The following STAB2 variants were observed in gnomAD, a reference collection of about 807,000 sequenced individuals.
The protein encoded by STAB2 is stabilin-2.
Under a neutral mutation model 338.1 loss-of-function variants are expected in STAB2, and 288 were observed. That is an observed-to-expected ratio of 0.85 (90% confidence interval 0.77 to 0.94). STAB2 has a LOEUF of 0.94. Among genes scored for constraint, STAB2 ranks in the 40% least tolerant of loss-of-function variants. The pLI, the probability that STAB2 is intolerant of heterozygous loss-of-function variation, is 0.00. For synonymous variants in STAB2, 1,202 were observed against 1,193.3 expected, an observed-to-expected ratio of 1.01 and a Z score of -0.15; for missense variants, 3,141 against 3,210.1, an observed-to-expected ratio of 0.98 and a Z score of 0.52.
At chr12:103,622,300 GA>G (rs1957314278) in intron 5 of STAB2, among the ~76,000 whole-genome samples, 189 bp downstream of exon 5, 1 of 152,208 alleles carries the variant, frequency 6.6e-6, no homozygotes, top group African/African-American at 2.4e-5. Flanking sequence ...AATCACAGCA[GA>G]TTCACAGAGA....
intron 3 of STAB2, among the ~76,000 whole-genome samples, chr12:103,604,474 C>T (rs1015312868): frequency 6.6e-6 from 1 of 151,996 alleles, no homozygotes; most frequent in Admixed American, 6.5e-5. Context: ...TATTCACCAA[C>T]AAAGCCATTT....
intron 5 of STAB2, among the ~76,000 whole-genome samples, chr12:103,624,073 C>T (rs189829200): frequency 3.3e-5 from 5 of 152,318 alleles, no homozygotes; most frequent in African/African-American, 7.2e-5. Context: ...AAAACTGCTT[C>T]GATTCAAATA....
intron 25 of STAB2, 123 bp downstream of exon 25, chr12:103,677,734 GTGAACATGGGT>G: frequency 8.2e-7 from 1 of 1,225,118 alleles, no homozygotes; most frequent in Admixed American, 2.7e-5. Context: ...ATTCGTGGCA[GTGAACATGGGT>G]TCATTGCCAC....
At chr12:103,712,271 A>G in intron 40 of STAB2, 96 bp from the exon 41 acceptor site, 1 of 927,958 alleles carries the variant, frequency 1.1e-6, no homozygotes, top group Non-Finnish European at 1.8e-6. Context: ...TCATGGGGGC[A>G]GGGGCCAGGA....
intron 25 of STAB2, among the ~76,000 whole-genome samples, chr12:103,679,081 G>A (rs1876656953): frequency 6.6e-6 from 1 of 152,090 alleles, no homozygotes; most frequent in Admixed American, 6.5e-5. Flanking sequence ...GGGGTTAAAA[G>A]GTGGTCAACA....
In STAB2 at chr12:103,685,004, A is replaced by T. The variant is rs750730806; in HGVS notation, c.2917A>T (p.Thr973Ser). Reference protein sequence around the residue: ...KCHPLASCQSTSSGVWSCVCQ... With the variant: ...KCHPLASCQSSSSGVWSCVCQ... ...GTTTTCTCAGGCAAGCTGTCAATCTACTTCGTCTGGTGTCTGGAGCTGTGT... is the reference window on the plus strand; with the variant it reads ...GTTTTCTCAGGCAAGCTGTCAATCTTCTTCGTCTGGTGTCTGGAGCTGTGT... Residue 973 changes from threonine to serine, a missense_variant, in exon 27 of 69, where the codon ACT becomes TCT. Physicochemically the swap from Thr to Ser is moderately conservative, Grantham distance 58. Coordinates refer to ENST00000388887, the MANE Select transcript of STAB2 (RefSeq NM_017564.10). 1.2e-6 allele frequency: 2 copies of T among 1,613,864 alleles called. No individual in the cohort carries two copies. Among genetic ancestry groups the T allele is most frequent in the Admixed American group, 3.3e-5 (2 of 60,018 alleles).
intron 18 of STAB2, 90 bp downstream of exon 18, chr12:103,663,088 A>G (rs1431059533): frequency 4.6e-6 from 7 of 1,519,288 alleles, no homozygotes; most frequent in South Asian, 2.5e-5. Flanking sequence ...AAAGGTGTCA[A>G]AGAAAGTTGG....
intron 5 of STAB2, among the ~76,000 whole-genome samples, chr12:103,630,050 TA>T (rs1475340543): frequency 1.3e-5 from 2 of 152,224 alleles, no homozygotes; most frequent in African/African-American, 2.4e-5. Flanking sequence ...CTGAGAAATC[TA>T]AATTTTATTT....
At chr12:103,682,710 G>C (rs193038836) in intron 25 of STAB2, among the ~76,000 whole-genome samples, 214 of 152,288 alleles carry the variant, frequency 1.4e-3, no homozygotes, top group African/African-American at 4.9e-3. Flanking sequence ...AGCACTTTGG[G>C]AGGCCGAGGC....
chr12:103,718,871 A>G (rs1029950713), intron 44 of STAB2, among the ~76,000 whole-genome samples: 2 of 152,186 alleles, frequency 1.3e-5, no homozygotes, highest in Non-Finnish European at 2.9e-5. Context: ...TTGGATGGTT[A>G]TAAGTGTCCC....
At chr12:103,716,604 C>CA (rs1035011093) in intron 43 of STAB2, among the ~76,000 whole-genome samples, 2 of 152,114 alleles carry the variant, frequency 1.3e-5, no homozygotes, top group Non-Finnish European at 2.9e-5. Context: ...GCAGATCAAG[C>CA]AAGTACCTAA....
Position 103,755,370 on chromosome 12 carries a change from C to T in STAB2, c.6783C>T (p.Ala2261=). 6.2e-7 allele frequency: 1 copy of T among 1,614,192 alleles called. No individual in the cohort carries two copies. The highest frequency in any genetic ancestry group is 1.3e-5 in the African/African-American group (1 of 75,046). ...GGGTTGCCTACCCCACAGCCTTCGC[C>T]TCCCAGAACTGTGGCTCTGGTGTGG... ...TGRVAYPTAF[A]SQNCGSGVVG... is the part of the protein sequence containing the mutation. The change falls in exon 62 of 69, where the codon GCC becomes GCT. Residue 2261 remains alanine (A), a synonymous_variant. Transcript: ENST00000388887.
chr12:103,634,759 TA>T (rs1187679547), intron 6 of STAB2, among the ~76,000 whole-genome samples: 1 of 152,202 alleles, frequency 6.6e-6, no homozygotes, highest in Non-Finnish European at 1.5e-5. Flanking sequence ...ACATGGTGAT[TA>T]GGGATCCAGA....
At chr12:103,680,328 A>G (rs919930702) in intron 25 of STAB2, among the ~76,000 whole-genome samples, 3 of 152,186 alleles carry the variant, frequency 2.0e-5, no homozygotes, top group African/African-American at 7.2e-5. Flanking sequence ...AGAAAAAAAA[A>G]CTGGTTTAAA....
Position 103,692,904 on chromosome 12 carries a change from T to C in STAB2, c.3375+15T>C. On this transcript the variant is annotated intron_variant, in intron 31 of 68. Coordinates refer to ENST00000388887, the MANE Select transcript of STAB2 (RefSeq NM_017564.10). ...TCATCAACAAGGTACAAGATTCCAT[T>C]CTCCTGTGCGTGCAGCATCTCTTTT... 1 of 1,606,344 alleles carries C rather than the reference T, an allele frequency of 6.2e-7. No homozygotes were observed. The highest frequency in any genetic ancestry group is 8.5e-7 in the Non-Finnish European group (1 of 1,173,544).
intron 3 of STAB2, among the ~76,000 whole-genome samples, chr12:103,613,624 C>G (rs1249649260): frequency 6.6e-6 from 1 of 152,174 alleles, no homozygotes; most frequent in Non-Finnish European, 1.5e-5. Flanking sequence ...TCCCTGACCC[C>G]TTGCACTTCC....
At chr12:103,679,835 A>C (rs1312859713) in intron 25 of STAB2, among the ~76,000 whole-genome samples, 1 of 152,282 alleles carries the variant, frequency 6.6e-6, no homozygotes, top group African/African-American at 2.4e-5. Context: ...ACCCGTATTC[A>C]TAGCAGCATT....
At position 103,749,139 on chromosome 12, in the gene STAB2, T is replaced by C; in HGVS notation, c.6421T>C (p.Cys2141Arg). The C allele has an allele frequency of 6.2e-7, 1 of 1,604,336 alleles. No individual in the cohort carries two copies. Among genetic ancestry groups the C allele is most frequent in the Non-Finnish European group, 8.5e-7 (1 of 1,172,530 alleles). Residue 2141 changes from cysteine (C) to arginine (R), a missense_variant, in exon 59 of 69, where the codon TGT (cysteine) becomes CGT (arginine). By Grantham distance (180) the Cys-to-Arg change is radical (BLOSUM62 -3). Coordinates refer to ENST00000388887, the MANE Select transcript of STAB2 (RefSeq NM_017564.10). Reference protein sequence around the residue: ...LNGGCHEHATCKMTGPGKHKC... With the variant: ...LNGGCHEHATRKMTGPGKHKC... ...CGGAGGGTGTCACGAGCACGCCACCTGTAAGATGACAGGCCCGGTGAGTCG... is the reference window on the plus strand; with the variant it reads ...CGGAGGGTGTCACGAGCACGCCACCCGTAAGATGACAGGCCCGGTGAGTCG...
intron 45 of STAB2, 78 bp from the exon 46 acceptor site, chr12:103,726,038 G>T: frequency 6.6e-7 from 1 of 1,518,636 alleles, no homozygotes; most frequent in Non-Finnish European, 9.1e-7. Flanking sequence ...GGATGGCAGA[G>T]AAATCATCCC....
Sources: gnomAD v4.1 joint callset for allele counts (sites outside exome capture counted in the v4.1 genomes callset) on GRCh38, gnomAD v4.1.1 for gene constraint, MANE v1.5 for transcripts, NCBI Gene and HGNC (gene_info 2026-07-23, HGNC 2026-07-21) for gene names.